LTA4H: variants seen among roughly 807,000 people sequenced by gnomAD.
LTA4H encodes leukotriene A4 hydrolase, also known as leukotriene A-4 hydrolase.
Under a neutral mutation model 89.8 loss-of-function variants are expected in LTA4H, and 59 were observed. The observed-to-expected ratio is 0.66, with a 90% confidence interval of 0.53 to 0.82. The LOEUF is 0.82. LTA4H is among the 40% of genes least tolerant of loss of function. The pLI is 0.00. For synonymous variants in LTA4H, 227 were observed against 253.1 expected (o/e 0.90, Z 0.98); for missense variants, 617 against 727.0 (o/e 0.85, Z 1.74).
In LTA4H at chr12:96,021,135, A is replaced by T; in HGVS notation, c.588T>A (p.Val196=). 3 of 1,593,952 alleles carry T rather than the reference A, an allele frequency of 1.9e-6. No individual in the cohort carries two copies. Among genetic ancestry groups the T allele is most frequent in the Non-Finnish European group, 2.6e-6 (3 of 1,174,142 alleles). ...SRKIYKFIQK[V]PIPCYLIALV... ...AAGCAATCAGGTAGCAGGGTATTGG[A>T]ACCTAAAGAGGGCAAACAAACGCAC... Residue 196 remains valine, a splice_region_variant and synonymous_variant, in exon 6 of 19, where the codon GTT becomes GTA. Transcript: ENST00000228740.
At chr12:96,005,618 G>A (rs1172061715) in intron 16 of LTA4H, among the ~76,000 whole-genome samples, 1 of 152,040 alleles carries the variant, frequency 6.6e-6, no homozygotes, top group Admixed American at 6.6e-5. Context: ...CTACCTCCCT[G>A]CTAGCCCTGG....
chr12:96,029,495 A>T (rs1047934809), intron 1 of LTA4H, among the ~76,000 whole-genome samples: 3 of 152,234 alleles, frequency 2.0e-5, no homozygotes, highest in African/African-American at 7.2e-5. Context: ...AATTTTCTCT[A>T]TTATGAAAAA....
Position 96,019,236 on chromosome 12 carries a change from T to C in LTA4H, c.643A>G (p.Ile215Val). 6.2e-7 allele frequency: 1 copy of C among 1,609,366 alleles called. No individual in the cohort carries two copies. Among genetic ancestry groups the C allele is most frequent in the Non-Finnish European group, 8.5e-7 (1 of 1,178,812 alleles). The part of the protein sequence containing the change: ...LVVGALESRQ[I>V]GPRTLVWSEK... ...GACCACACCAAAGTTCTTGGGCCAA[T>C]TTGCCTGCAAGATTAAAAAGCTTAA... Residue 215 changes from isoleucine (I) to valine (V), a missense_variant, in exon 7 of 19, where the codon ATT becomes GTT. This residue lies in a region of LTA4H where 172 missense variants were observed against 244.5 expected (regional missense o/e 0.70). Transcript: ENST00000228740.
Position 96,020,968 on chromosome 12 carries a change from C to G in LTA4H, c.638+117G>C, listed in dbSNP as rs1434893531. ...ATTTTAGATTTGAATTTTTCTAGAG[C>G]TGTCAGCTTGATATCTTGAGAAATA... On this transcript the variant is annotated intron_variant, in intron 6 of 18. Transcript: ENST00000228740. 3 of 755,140 alleles carry G rather than the reference C, an allele frequency of 4.0e-6. No individual in the cohort carries two copies. In the East Asian group the frequency reaches 8.7e-5, roughly 22 times the overall value. The allele number at this position is 755,140 out of a possible 1,614,324, so 46.8% of individuals were successfully genotyped here. A position where few individuals can be genotyped will look rare whatever the true frequency, so the allele number is the denominator to read the frequency against.
At position 96,003,070 on chromosome 12, in the gene LTA4H, A is replaced by G. The variant is rs759593562; in HGVS notation, c.1614-6T>C. ...GAATGCAGAGCCGCAGCCATCTAAA[A>G]GGAGGATTTGGGGGGAGCATGGAGT... On this transcript the variant is annotated splice_polypyrimidine_tract_variant and splice_region_variant and intron_variant, in intron 17 of 18. Transcript: ENST00000228740. 1 of 1,581,252 alleles carries G rather than the reference A, an allele frequency of 6.3e-7. No individual in the cohort carries two copies. Among genetic ancestry groups the G allele is most frequent in the South Asian group, 1.1e-5 (1 of 87,182 alleles).
intron 3 of LTA4H, among the ~76,000 whole-genome samples, chr12:96,026,630 G>A (rs1196660068): frequency 6.6e-6 from 1 of 152,152 alleles, no homozygotes. Flanking sequence ...AAGTAAACAG[G>A]TCTGATTCAT....
In LTA4H at chr12:96,013,209, C is replaced by T. The variant is rs371247528; in HGVS notation, c.1358G>A (p.Gly453Glu). The T allele has an allele frequency of 6.2e-7, 1 of 1,613,460 alleles. No homozygotes were observed. Among genetic ancestry groups the T allele is most frequent in the African/African-American group, 1.3e-5 (1 of 74,866 alleles). The change falls in exon 14 of 19, where the codon GGA (glycine) becomes GAA (glutamate). Residue 453 changes from glycine to glutamate, a missense_variant. Physicochemically the swap from Gly to Glu is moderately conservative, Grantham distance 98 (BLOSUM62 -2). Coordinates refer to ENST00000228740, the MANE Select transcript of LTA4H (RefSeq NM_000895.3). ...TTACTTGGGCTTTATGGGAGGCAGT[C>T]CAGGAGAGTAGAGCCAGGCATTCCA... ...VDWNAWLYSPGLPPIKPNYDM... is the reference protein window; with the variant it reads ...VDWNAWLYSPELPPIKPNYDM...
chr12:96,041,973 TTTGTTTTTTTTTC>T (rs796101242), intron 1 of LTA4H, among the ~76,000 whole-genome samples: 77 of 135,562 alleles, frequency 5.7e-4, no homozygotes, highest in African/African-American at 2.2e-3. Context: ...AACGTTTCTT[TTTGTTTTTTTTTC>T]TTTTTTTTTT....
At chr12:96,019,026 A>T in intron 7 of LTA4H, 123 bp from the exon 8 acceptor site, 1 of 1,194,144 alleles carries the variant, frequency 8.4e-7, no homozygotes, top group Non-Finnish European at 1.2e-6. Context: ...TGAAAATGAT[A>T]AAAAGAATGT....
chr12:96,016,047 C>T (rs1023709753), intron 10 of LTA4H, among the ~76,000 whole-genome samples: 4 of 152,212 alleles, frequency 2.6e-5, no homozygotes, highest in Non-Finnish European at 4.4e-5. Flanking sequence ...GGCATGGTGG[C>T]CCACGCCTGT....
intron 1 of LTA4H, among the ~76,000 whole-genome samples, chr12:96,041,975 TG>T (rs371125416): frequency 2.1e-4 from 28 of 131,868 alleles, no homozygotes; most frequent in Middle Eastern, 3.8e-3. Context: ...CGTTTCTTTT[TG>T]TTTTTTTTTC....
exon 1 of LTA4H, chr12:96,043,428 G>T: frequency 9.0e-7 from 1 of 1,107,602 alleles, no homozygotes; most frequent in Non-Finnish European, 1.3e-6. Flanking sequence ...AAACTCCCAA[G>T]CCCATGCATC....
upstream of LTA4H, among the ~76,000 whole-genome samples, chr12:96,038,783 T>C (rs1284709159): frequency 6.8e-6 from 1 of 147,612 alleles, no homozygotes; most frequent in Non-Finnish European, 1.5e-5. Context: ...ATTTATCTAG[T>C]ATGGAGAAAG....
intron 16 of LTA4H, 79 bp from the exon 17 acceptor site, chr12:96,003,999 G>A (rs1592863359): frequency 1.5e-6 from 1 of 686,198 alleles, no homozygotes; most frequent in East Asian, 2.9e-5. Flanking sequence ...GAAATGCATA[G>A]CCAGATTAAA....
intron 10 of LTA4H, 41 bp downstream of exon 10, chr12:96,017,003 A>T (rs775359780): frequency 7.3e-7 from 1 of 1,375,540 alleles, no homozygotes; most frequent in Non-Finnish European, 1.0e-6. Context: ...AAAAAAAATC[A>T]GCAACATGAA....
chr12:96,041,756 C>CT (rs1950688194), intron 1 of LTA4H, among the ~76,000 whole-genome samples: 1 of 152,010 alleles, frequency 6.6e-6, no homozygotes, highest in Non-Finnish European at 1.5e-5. Context: ...ATTTTCCTGT[C>CT]TCAGCCTCCT....
At chr12:96,012,902 T>C in intron 14 of LTA4H, 1 of 319,528 alleles carries the variant, frequency 3.1e-6, no homozygotes, top group Non-Finnish European at 5.8e-6. Flanking sequence ...ACTTATAAAA[T>C]ATTTTTATTG....
At chr12:96,038,163 G>A (rs1323925669), upstream of LTA4H, among the ~76,000 whole-genome samples, 1 of 152,132 alleles carries the variant, frequency 6.6e-6, no homozygotes, top group African/African-American at 2.4e-5. Flanking sequence ...AGGGATAGTT[G>A]ATGGGTTTAG....
upstream of LTA4H, among the ~76,000 whole-genome samples, chr12:96,036,090 G>C (rs544012868): frequency 4.6e-5 from 7 of 151,598 alleles, no homozygotes; most frequent in South Asian, 4.3e-4. Context: ...CCCCGACGGG[G>C]AGGCACAGTA....
Sources: allele counts gnomAD v4.1 joint callset (sites outside exome capture counted in the v4.1 genomes callset), GRCh38; gene constraint gnomAD v4.1.1; regional missense constraint gnomAD v4.1.1; transcripts MANE v1.5; gene names NCBI Gene and HGNC (gene_info 2026-07-23, HGNC 2026-07-21).